The following OSTF1 variants were observed in gnomAD, a reference collection of about 807,000 sequenced individuals.
OSTF1 encodes osteoclast-stimulating factor 1.
Under a neutral mutation model 37.2 loss-of-function variants are expected in OSTF1, and 27 were observed. The observed-to-expected ratio is 0.73, with a 90% CI of 0.54 to 1.00. The LOEUF is 1.00. Ranked by LOEUF, OSTF1 falls within the 50% of genes least tolerant of loss-of-function variation. The probability of loss-of-function intolerance (pLI) is 0.00; values close to 1 mark genes in which losing one functional copy is unlikely to be tolerated. For missense variants in OSTF1, 232 were observed against 253.8 expected (o/e 0.91, Z 0.58); for synonymous variants, 82 against 89.2 (o/e 0.92, Z 0.46).
intron 2 of OSTF1, 26 bp from the exon 3 acceptor site, chr9:75,127,543 G>T (rs1464989363): frequency 1.9e-5 from 26 of 1,399,616 alleles, no homozygotes; most frequent in African/African-American, 4.4e-5. Context: ...AAATCACATG[G>T]AGTCAAACTT....
chr9:75,139,514 C>T (rs984348272), intron 8 of OSTF1, among the ~76,000 whole-genome samples: 12 of 152,162 alleles, frequency 7.9e-5, no homozygotes, highest in South Asian at 6.2e-4. Context: ...TTGCAGTCTC[C>T]GCCTCCTGGA....
chr9:75,137,119 A>T (rs1327025835), intron 7 of OSTF1, among the ~76,000 whole-genome samples: 1 of 152,154 alleles, frequency 6.6e-6, no homozygotes, highest in South Asian at 2.1e-4. Flanking sequence ...AGAGAAGGGG[A>T]AGAGGTTCTG....
chr9:75,123,628 TTAAAA>T (rs1825616115), intron 2 of OSTF1, among the ~76,000 whole-genome samples: 1 of 152,222 alleles, frequency 6.6e-6, no homozygotes, highest in Non-Finnish European at 1.5e-5. Flanking sequence ...AAATCTGTTG[TTAAAA>T]TAATGAAATT....
intron 1 of OSTF1, among the ~76,000 whole-genome samples, chr9:75,091,424 C>T (rs763857022): frequency 3.3e-5 from 5 of 152,242 alleles, no homozygotes; most frequent in African/African-American, 4.8e-5. Context: ...TTCACACTGG[C>T]GGTCAAATGT....
chr9:75,136,573 G>A (rs1350340522), intron 7 of OSTF1, among the ~76,000 whole-genome samples: 1 of 152,114 alleles, frequency 6.6e-6, no homozygotes, highest in African/African-American at 2.4e-5. Context: ...TGTGTTTTTA[G>A]TAGAGACGGG....
At chr9:75,130,520 A>G in intron 3 of OSTF1, 58 bp from the exon 4 acceptor site, 1 of 1,158,948 alleles carries the variant, frequency 8.6e-7, no homozygotes, top group Non-Finnish European at 1.3e-6. Context: ...GATAATTTGA[A>G]AAGTGAATGA....
At chr9:75,128,570 TATA>T in intron 3 of OSTF1, among the ~76,000 whole-genome samples, 1 of 17,396 alleles carries the variant, frequency 5.7e-5, no homozygotes, top group East Asian at 8.9e-4. Flanking sequence ...TATATATATA[TATA>T]TTTTGTCCAT....
chr9:75,107,720 A>G (rs1302693801), intron 1 of OSTF1, among the ~76,000 whole-genome samples: 1 of 152,212 alleles, frequency 6.6e-6, no homozygotes, highest in Non-Finnish European at 1.5e-5. Context: ...ATACATGACC[A>G]GAGGGGAACA....
At position 75,115,645 on chromosome 9, in the gene OSTF1, G is replaced by GT. The variant is rs1173233543; in HGVS notation, c.35-1849dup. Among the ~76,000 whole-genome samples, 477 of 81,220 alleles carry GT rather than the reference G, an allele frequency of 5.9e-3. 1 individual carries two copies. The highest frequency in any genetic ancestry group is 0.013 in the Admixed American group (105 of 7,946). The allele number at this position is 81,220 out of a possible 152,430, so 53.3% of individuals were successfully genotyped here. On this transcript the variant is annotated intron_variant, in intron 1 of 9. Transcript: ENST00000346234. ...TTAAAAGAGGACCCCCCCTTTTTTT[G>GT]TTTTTTTTTTGTTTTTTGTTTTTTT...
intron 1 of OSTF1, among the ~76,000 whole-genome samples, chr9:75,098,411 A>G (rs1464239623): frequency 6.6e-6 from 1 of 152,186 alleles, no homozygotes; most frequent in Non-Finnish European, 1.5e-5. Flanking sequence ...GGCTCTCGCT[A>G]CATAGGGCAG....
chr9:75,117,445 C>G lies in OSTF1; in HGVS notation c.35-59C>G, dbSNP rs1825508858. 3 of 1,179,860 alleles carry G rather than the reference C, an allele frequency of 2.5e-6. No homozygotes were observed. The South Asian group carries it at 3.8e-5, about 15-fold the overall frequency. 73.1% of individuals were successfully genotyped at this position (1,179,860 alleles called of 1,614,324 possible). On this transcript the variant is annotated intron_variant, in intron 1 of 9. Transcript: ENST00000346234. ...ATTCTGAAGGATATAATGGATAATG[C>G]TATTAAGAGCAAATTCAGGAATGAA...
At chr9:75,097,367 C>G (rs1017783369) in intron 1 of OSTF1, among the ~76,000 whole-genome samples, 1 of 152,272 alleles carries the variant, frequency 6.6e-6, no homozygotes, top group African/African-American at 2.4e-5. Flanking sequence ...CCTTTGCACT[C>G]TTGAAAACCT....
At chr9:75,139,058 T>TCTTTTCTTTTC (rs796945154) in intron 8 of OSTF1, among the ~76,000 whole-genome samples, 1 of 47,252 alleles carries the variant, frequency 2.1e-5, no homozygotes, top group African/African-American at 9.0e-5. Context: ...TTCTTTCTTT[T>TCTTTTCTTTTC]TTTTTTGAAA....
chr9:75,132,937 C>T (rs1825783263), intron 5 of OSTF1, among the ~76,000 whole-genome samples: 1 of 150,874 alleles, frequency 6.6e-6, no homozygotes, highest in Non-Finnish European at 1.5e-5. Context: ...CAGAATTTCA[C>T]AAAGAAAAAA....
intron 2 of OSTF1, among the ~76,000 whole-genome samples, chr9:75,124,755 T>C (rs1825635794): frequency 6.6e-6 from 1 of 152,204 alleles, no homozygotes; most frequent in Non-Finnish European, 1.5e-5. Context: ...TCTTTGTTTT[T>C]AAAAGCTATT....
chr9:75,107,431 T>G (rs1389951977), intron 1 of OSTF1, among the ~76,000 whole-genome samples: 4 of 152,186 alleles, frequency 2.6e-5, no homozygotes, highest in African/African-American at 7.2e-5. Context: ...AAGTATTATT[T>G]TCCATGATTC....
At chr9:75,124,071 G>A (rs564546601) in intron 2 of OSTF1, among the ~76,000 whole-genome samples, 9 of 152,068 alleles carry the variant, frequency 5.9e-5, no homozygotes, top group Non-Finnish European at 1.3e-4. Flanking sequence ...ACTATTTTGG[G>A]CTTTATTACT....
chr9:75,100,139 C>A (rs1825164263), intron 1 of OSTF1, among the ~76,000 whole-genome samples: 1 of 152,164 alleles, frequency 6.6e-6, no homozygotes, highest in Non-Finnish European at 1.5e-5. Context: ...ATTCTGAAAG[C>A]CTACAATTTA....
At chr9:75,146,284 C>T (rs888727062) in intron 9 of OSTF1, among the ~76,000 whole-genome samples, 7 of 152,152 alleles carry the variant, frequency 4.6e-5, no homozygotes, top group South Asian at 2.1e-4. Flanking sequence ...TTTTCCCCTT[C>T]GGTAGTTAAC....
Sources: gnomAD v4.1 joint callset for allele counts (sites outside exome capture counted in the v4.1 genomes callset) on GRCh38, gnomAD v4.1.1 for gene constraint, MANE v1.5 for transcripts, NCBI Gene and HGNC (gene_info 2026-07-23, HGNC 2026-07-21) for gene names.